Variants in SEMA4D observed in about 807,000 individuals in gnomAD.
The protein encoded by SEMA4D is semaphorin 4D.
Under a neutral mutation model 74.8 loss-of-function variants are expected in SEMA4D, and 22 were observed. The observed-to-expected ratio is 0.29, with a 90% CI of 0.21 to 0.42. The LOEUF (loss-of-function observed/expected upper bound fraction) is 0.42, where lower values mean the gene tolerates loss of function less well. Ranked by LOEUF, SEMA4D falls within the 10% of genes least tolerant of loss-of-function variation. The probability of loss-of-function intolerance (pLI) is 1.00; values close to 1 mark genes in which losing one functional copy is unlikely to be tolerated. For missense variants in SEMA4D, 937 were observed against 1,118.4 expected (o/e 0.84, Z 2.31); for synonymous variants, 445 against 463.7 (o/e 0.96, Z 0.52).
chr9:89,402,663 T>A (rs1239988289), intron 4 of SEMA4D, among the ~76,000 whole-genome samples: 1 of 137,140 alleles, frequency 7.3e-6, no homozygotes, highest in Non-Finnish European at 1.6e-5. Context: ...TGTTTGAGAT[T>A]TTTTCATAAT....
intron 1 of SEMA4D, among the ~76,000 whole-genome samples, chr9:89,468,001 A>T (rs527620697): frequency 6.9e-6 from 1 of 145,280 alleles, no homozygotes; most frequent in African/African-American, 2.5e-5. Flanking sequence ...ACAACCCTGC[A>T]GCAGAAAGAG....
At chr9:89,471,925 G>A (rs1306012864) in intron 1 of SEMA4D, among the ~76,000 whole-genome samples, 3 of 151,290 alleles carry the variant, frequency 2.0e-5, no homozygotes, top group African/African-American at 4.9e-5. Flanking sequence ...TACAGGCTGA[G>A]GTGCATGCCA....
intron 8 of SEMA4D, 73 bp from the exon 9 acceptor site, chr9:89,391,488 C>T: frequency 3.4e-6 from 5 of 1,488,744 alleles, no homozygotes; most frequent in Non-Finnish European, 4.7e-6. Flanking sequence ...GGTCACGAGG[C>T]CGGCCAACAC....
chr9:89,437,218 T>A (rs1461407974), intron 2 of SEMA4D, among the ~76,000 whole-genome samples: 1 of 152,118 alleles, frequency 6.6e-6, no homozygotes, highest in East Asian at 1.9e-4. Context: ...AGTGGCCTGA[T>A]CCTAGTGGGC....
chr9:89,390,492 CTGT>C (rs1427849903), intron 9 of SEMA4D, among the ~76,000 whole-genome samples: 2 of 152,194 alleles, frequency 1.3e-5, no homozygotes, highest in South Asian at 2.1e-4. Context: ...ATGCAAGGGG[CTGT>C]TAAGGGAACG....
At chr9:89,413,882 ATG>A (rs1304562625) in intron 2 of SEMA4D, among the ~76,000 whole-genome samples, 2 of 152,186 alleles carry the variant, frequency 1.3e-5, no homozygotes, top group Non-Finnish European at 2.9e-5. Flanking sequence ...GCAGACATGT[ATG>A]TGCGCATCTG....
chr9:89,403,157 G>C (rs1842566755), intron 3 of SEMA4D, 141 bp from the exon 4 acceptor site: 1 of 944,442 alleles, frequency 1.1e-6, no homozygotes, highest in Non-Finnish European at 1.6e-6. Context: ...GCCATGTGTT[G>C]CTGCAACAGG....
intron 1 of SEMA4D, among the ~76,000 whole-genome samples, chr9:89,491,571 AAACAAC>A (rs35705317): frequency 0.033 from 4,943 of 150,752 alleles, 121 homozygotes; most frequent in South Asian, 0.078. Flanking sequence ...TCTGTCTCAA[AAACAAC>A]AACAACAACA....
At chr9:89,373,731 G>A (rs974638012), downstream of SEMA4D, among the ~76,000 whole-genome samples, 4 of 152,184 alleles carry the variant, frequency 2.6e-5, no homozygotes, top group African/African-American at 9.7e-5. Context: ...GTGGCTGGGG[G>A]AGGACACAGG....
intron 1 of SEMA4D, among the ~76,000 whole-genome samples, chr9:89,494,025 A>G (rs904871826): frequency 6.6e-6 from 1 of 152,196 alleles, no homozygotes; most frequent in Non-Finnish European, 1.5e-5. Flanking sequence ...TATCCTTCAT[A>G]GCCCACAAAG....
intron 2 of SEMA4D, among the ~76,000 whole-genome samples, chr9:89,447,718 A>C (rs1853294196): frequency 6.7e-6 from 1 of 150,214 alleles, no homozygotes; most frequent in Non-Finnish European, 1.5e-5. Flanking sequence ...CAACCCCTCA[A>C]ACTCCCCCAC....
At chr9:89,430,163 T>C (rs1415632127) in intron 2 of SEMA4D, among the ~76,000 whole-genome samples, 1 of 152,028 alleles carries the variant, frequency 6.6e-6, no homozygotes. Flanking sequence ...GGAAGGGAAT[T>C]ACTGGACGGT....
intron 18 of SEMA4D, chr9:89,363,286 A>T: frequency 4.0e-6 from 5 of 1,239,486 alleles, no homozygotes; most frequent in Non-Finnish European, 5.5e-6. Context: ...AGTGTTGCAG[A>T]TTTCATAAAG....
chr9:89,403,600 A>G (rs1026084839), intron 3 of SEMA4D, among the ~76,000 whole-genome samples: 3 of 152,246 alleles, frequency 2.0e-5, no homozygotes, highest in African/African-American at 7.2e-5. Context: ...TTATTAGGTT[A>G]CTGTATCAAT....
At chr9:89,461,140 G>C (rs58389258) in intron 1 of SEMA4D, among the ~76,000 whole-genome samples, 2 of 151,838 alleles carry the variant, frequency 1.3e-5, no homozygotes, top group East Asian at 3.9e-4. Flanking sequence ...GAAAAATGCA[G>C]ATTAAAGCAA....
At chr9:89,488,911 G>C (rs1289951436) in intron 1 of SEMA4D, among the ~76,000 whole-genome samples, 2 of 152,174 alleles carry the variant, frequency 1.3e-5, no homozygotes, top group Non-Finnish European at 2.9e-5. Flanking sequence ...AAAGGTTTGA[G>C]TCAAGAATAT....
intron 16 of SEMA4D, among the ~76,000 whole-genome samples, chr9:89,371,189 T>G (rs1467041149): frequency 5.6e-5 from 3 of 53,596 alleles, no homozygotes; most frequent in African/African-American, 2.3e-4. Flanking sequence ...GGGGGGGGTG[T>G]GGTGTGTATC....
chr9:89,423,103 T>G (rs930026779), intron 2 of SEMA4D, among the ~76,000 whole-genome samples: 4 of 152,224 alleles, frequency 2.6e-5, no homozygotes, highest in African/African-American at 9.6e-5. Flanking sequence ...GACTCTCTTC[T>G]AAAACTTTCA....
intron 17 of SEMA4D, chr9:89,363,734 C>G (rs1833128604): frequency 6.2e-7 from 1 of 1,610,588 alleles, no homozygotes; most frequent in Non-Finnish European, 8.5e-7. Context: ...GCATGGGAAT[C>G]ACTTACCAGG....
Sources: allele counts gnomAD v4.1 joint callset (sites outside exome capture counted in the v4.1 genomes callset), GRCh38; gene constraint gnomAD v4.1.1; transcripts MANE v1.5; gene names NCBI Gene and HGNC (gene_info 2026-07-23, HGNC 2026-07-21).